RHOBTB1: variants seen among roughly 807,000 people sequenced by gnomAD.
RHOBTB1 encodes the protein rho-related BTB domain-containing protein 1.
A neutral mutation model predicts 71.6 loss-of-function variants in RHOBTB1; 40 were observed. The ratio of observed to expected loss-of-function variants is 0.56; its 90% confidence interval spans 0.43 to 0.73. The LOEUF (loss-of-function observed/expected upper bound fraction) is 0.73. RHOBTB1 is among the 30% of genes least tolerant of loss of function. RHOBTB1 has a pLI of 0.00. For synonymous variants in RHOBTB1, 319 were observed against 334.9 expected (o/e 0.95, Z 0.52); for missense variants, 797 against 894.0 (o/e 0.89, Z 1.38).
downstream of RHOBTB1, among the ~76,000 whole-genome samples, chr10:60,868,193 C>T (rs1057070156): frequency 6.6e-6 from 1 of 152,186 alleles, no homozygotes; most frequent in Non-Finnish European, 1.5e-5. Flanking sequence ...GCAATAGTCA[C>T]ATTCTTCTAG....
chr10:60,882,744 T>C (rs1348737032), intron 7 of RHOBTB1, among the ~76,000 whole-genome samples: 2 of 152,144 alleles, frequency 1.3e-5, no homozygotes, highest in Non-Finnish European at 2.9e-5. Context: ...GAGCATTAAC[T>C]GAGTGCCTTT....
At chr10:60,900,929 T>C (rs192852560) in intron 4 of RHOBTB1, among the ~76,000 whole-genome samples, 7 of 152,290 alleles carry the variant, frequency 4.6e-5, no homozygotes, top group Non-Finnish European at 2.9e-5. Flanking sequence ...ATTGGATAAT[T>C]TCATAACATC....
At chr10:60,891,333 G>GT (rs1589210725) in intron 5 of RHOBTB1, among the ~76,000 whole-genome samples, 2 of 95,052 alleles carry the variant, frequency 2.1e-5, no homozygotes, top group South Asian at 3.6e-4. Flanking sequence ...GTTGCTGTTT[G>GT]CTTTTTTTTT....
At chr10:60,961,777 C>T (rs1215091169) in intron 2 of RHOBTB1, among the ~76,000 whole-genome samples, 2 of 150,660 alleles carry the variant, frequency 1.3e-5, no homozygotes, top group East Asian at 2.0e-4. Context: ...TATTGCAATG[C>T]TATTAATGCA....
rs143817674 is a variant in RHOBTB1 at position 60,938,891 on chromosome 10, G to A, written c.-11+2913C>T. On this transcript the variant is annotated intron_variant, in intron 2 of 10. Transcript: ENST00000337910. ...GAATATTAGCTGTAATTTAGTTAAC[G>A]TGTTTGGCATCTAGTAGGGGCATAA... is the stretch of plus-strand genomic sequence containing the variant. Among the ~76,000 whole-genome samples, 749 of 152,010 alleles carry A rather than the reference G, an allele frequency of 4.9e-3. 2 individuals carry two copies. Among genetic ancestry groups the A allele is most frequent in the Non-Finnish European group, 7.9e-3 (540 of 67,980 alleles).
rs572210886 is a variant in RHOBTB1 at position 60,914,860 on chromosome 10, C to T, written c.-10-3308G>A. 2.0e-3 allele frequency among the ~76,000 whole-genome samples: 310 copies of T among 152,220 alleles called. 1 individual carries two copies. Among genetic ancestry groups the T allele is most frequent in the South Asian group, 4.6e-3 (22 of 4,810 alleles). Reference sequence around the variant, plus strand: ...ATGGGTCCTCTAATCCCTAGCAGTCCGCTCCAGACCAAAGTGACTGCCAAA... The same window carrying T: ...ATGGGTCCTCTAATCCCTAGCAGTCTGCTCCAGACCAAAGTGACTGCCAAA... On this transcript the variant is annotated intron_variant, in intron 2 of 10. Coordinates refer to ENST00000337910, the MANE Select transcript of RHOBTB1 (RefSeq NM_014836.5).
At chr10:60,891,696 GC>G (rs1449246559) in intron 5 of RHOBTB1, among the ~76,000 whole-genome samples, 8 of 151,918 alleles carry the variant, frequency 5.3e-5, no homozygotes, top group Non-Finnish European at 1.2e-4. Flanking sequence ...GTGCTCTCCA[GC>G]CAAAAAGTTC....
chr10:60,936,708 T>C (rs558724861), intron 2 of RHOBTB1, among the ~76,000 whole-genome samples: 1 of 152,322 alleles, frequency 6.6e-6, no homozygotes, highest in East Asian at 1.9e-4. Flanking sequence ...TCAGGCCCCA[T>C]CCCAGAATTA....
rs1589199684 is a variant in RHOBTB1, at chr10:60,889,253, T to A, written c.483-68A>T. On this transcript the variant is annotated intron_variant, in intron 5 of 10. Transcript: ENST00000337910. ...GGAAAAAAACAGTAACAAGGGCCTA[T>A]CTAAGCACCTAATGGAACTATACAC... 5.5e-6 allele frequency: 8 copies of A among 1,462,630 alleles called. No individual in the cohort carries two copies. The East Asian group carries it at 1.8e-4, about 33-fold the overall frequency. The allele number at this position is 1,462,630 out of a possible 1,614,324, so 90.6% of individuals were successfully genotyped here.
chr10:60,946,120 G>A (rs1453671923), upstream of RHOBTB1, among the ~76,000 whole-genome samples: 1 of 151,826 alleles, frequency 6.6e-6, no homozygotes, highest in Non-Finnish European at 1.5e-5. Context: ...GGAGGTTGCA[G>A]TGAGCCGAGA....
intron 7 of RHOBTB1, among the ~76,000 whole-genome samples, chr10:60,878,365 C>T (rs1298755300): frequency 6.6e-6 from 1 of 152,126 alleles, no homozygotes. Context: ...TCATGCCAAG[C>T]ACCTTATAAT....
intron 10 of RHOBTB1, chr10:60,871,956 C>A: frequency 1.6e-6 from 1 of 615,478 alleles, no homozygotes. Flanking sequence ...TGCAACAGGG[C>A]ACCCTGGACT....
intron 2 of RHOBTB1, among the ~76,000 whole-genome samples, chr10:60,927,799 G>A (rs151183554): frequency 7.2e-4 from 109 of 152,218 alleles, no homozygotes; most frequent in African/African-American, 2.5e-3. Flanking sequence ...AGGACATTGG[G>A]CTGGACAAAG....
chr10:60,875,936 C>T (rs1044733827), intron 8 of RHOBTB1, among the ~76,000 whole-genome samples: 1 of 152,194 alleles, frequency 6.6e-6, no homozygotes, highest in African/African-American at 2.4e-5. Flanking sequence ...TTGATGTCAT[C>T]TGTAGCATTG....
chr10:60,866,957 C>T (rs1352322365), downstream of RHOBTB1, among the ~76,000 whole-genome samples: 1 of 152,068 alleles, frequency 6.6e-6, no homozygotes, highest in Non-Finnish European at 1.5e-5. Context: ...GGATTTTTGG[C>T]CTTGGTTTTG....
chr10:60,878,910 C>A (rs2081176519), intron 7 of RHOBTB1, among the ~76,000 whole-genome samples: 1 of 152,126 alleles, frequency 6.6e-6, no homozygotes, highest in Non-Finnish European at 1.5e-5. Flanking sequence ...TGAGACAGGC[C>A]CTGGAGTAGT....
intron 7 of RHOBTB1, among the ~76,000 whole-genome samples, chr10:60,878,540 G>A (rs986641286): frequency 6.6e-6 from 1 of 152,202 alleles, no homozygotes; most frequent in South Asian, 2.1e-4. Context: ...TCGAAATTCT[G>A]TCAGTATATG....
chr10:60,965,593 T>C (rs541633376), intron 2 of RHOBTB1, among the ~76,000 whole-genome samples: 2 of 152,262 alleles, frequency 1.3e-5, no homozygotes, highest in East Asian at 1.9e-4. Context: ...GATTCTAAGG[T>C]AGTATTTCAA....
At chr10:60,997,695 C>T (rs2087105460) in intron 1 of RHOBTB1, among the ~76,000 whole-genome samples, 1 of 152,096 alleles carries the variant, frequency 6.6e-6, no homozygotes, top group Non-Finnish European at 1.5e-5. Flanking sequence ...TAAAAGGCTG[C>T]TTGATGGATT....
Sources: gnomAD v4.1 joint callset for allele counts (sites outside exome capture counted in the v4.1 genomes callset) on GRCh38, gnomAD v4.1.1 for gene constraint, MANE v1.5 for transcripts, NCBI Gene and HGNC (gene_info 2026-07-23, HGNC 2026-07-21) for gene names.